Variants in PREX2 observed in about 807,000 individuals in gnomAD.
The protein encoded by PREX2 is phosphatidylinositol 3,4,5-trisphosphate-dependent Rac exchanger 2 protein.
PREX2 carries 107 observed loss-of-function variants against 203.2 expected under a neutral mutation model. The ratio of observed to expected loss-of-function variants is 0.53; its 90% CI spans 0.45 to 0.62. The LOEUF (loss-of-function observed/expected upper bound fraction) is 0.62. Ranked by LOEUF, PREX2 falls within the 20% of genes least tolerant of loss-of-function variation. The pLI is 0.00. For synonymous variants in PREX2, 672 were observed against 663.6 expected (o/e 1.01, Z -0.19); for missense variants, 1,777 against 1,955.9 (o/e 0.91, Z 1.72).
chr8:68,134,181 G>A lies in PREX2; in HGVS notation c.3889G>A (p.Glu1297Lys), dbSNP rs779491358. ...GATGTTTGACAACAGCAAGGAAAAT[G>A]AGATGGAAACTTGGGAAGCCAGCAG... ...NQMFDNSKEN[E>K]METWEASRRW... The change falls in exon 32 of 40, where the codon GAG becomes AAG. Residue 1297 changes from glutamate (E) to lysine (K), a missense_variant. By Grantham distance (56) the Glu-to-Lys change is moderately conservative. Transcript: ENST00000288368. 1.9e-6 allele frequency: 3 copies of A among 1,614,136 alleles called. No individual in the cohort carries two copies. The South Asian group carries it at 3.3e-5, about 18-fold the overall frequency.
At chr8:68,119,688 C>T (rs889163851) in intron 28 of PREX2, among the ~76,000 whole-genome samples, 174 bp downstream of exon 28, 1 of 152,208 alleles carries the variant, frequency 6.6e-6, no homozygotes, top group African/African-American at 2.4e-5. Flanking sequence ...CTTCAGCCAA[C>T]TAACCTAAAG....
At chr8:68,151,555 CCTGGGTAT>C (rs533045177) in intron 34 of PREX2, among the ~76,000 whole-genome samples, 100 of 152,236 alleles carry the variant, frequency 6.6e-4, no homozygotes, top group Non-Finnish European at 1.4e-3. Flanking sequence ...GGTTCCTGGA[CCTGGGTAT>C]TCTACCTCTC....
chr8:68,115,617 C>G (rs771690689), intron 25 of PREX2, 136 bp from the exon 26 acceptor site: 60 of 544,870 alleles, frequency 1.1e-4, no homozygotes, highest in Non-Finnish European at 1.8e-4. Context: ...GCTTTTTATG[C>G]AATAGAATAT....
intron 39 of PREX2, among the ~76,000 whole-genome samples, chr8:68,226,178 C>T (rs1813053433): frequency 6.6e-6 from 1 of 152,110 alleles, no homozygotes; most frequent in African/African-American, 2.4e-5. Flanking sequence ...TTTATTTATT[C>T]TTTCATTCAT....
chr8:68,175,190 C>T (rs189476217), intron 35 of PREX2, among the ~76,000 whole-genome samples: 24 of 152,142 alleles, frequency 1.6e-4, no homozygotes, highest in East Asian at 1.5e-3. Context: ...GTGGGCCAGG[C>T]GGAGAGCAGT....
chr8:68,127,317 A>G (rs1463984449), intron 30 of PREX2, 61 bp from the exon 31 acceptor site: 3 of 1,302,898 alleles, frequency 2.3e-6, no homozygotes, highest in African/African-American at 3.0e-5. Context: ...TACACAGTTA[A>G]AATATGGTAT....
chr8:68,164,593 T>TTC (rs955475197), intron 35 of PREX2, among the ~76,000 whole-genome samples: 12 of 150,084 alleles, frequency 8.0e-5, no homozygotes, highest in Non-Finnish European at 1.6e-4. Flanking sequence ...TTCTTTTTTT[T>TTC]TTTTTTGAGA....
intron 31 of PREX2, among the ~76,000 whole-genome samples, chr8:68,131,362 ACT>A (rs1182009087): frequency 6.6e-6 from 1 of 152,278 alleles, no homozygotes; most frequent in East Asian, 1.9e-4. Flanking sequence ...CAATTCATCT[ACT>A]CTCTGCTGAA....
At position 68,080,663 on chromosome 8, in the gene PREX2, G is replaced by T. The variant is rs185885837; in HGVS notation, c.1785+78G>T. 4 of 1,425,460 alleles carry T rather than the reference G, an allele frequency of 2.8e-6. No individual in the cohort carries two copies. In the East Asian group the frequency reaches 9.1e-5, roughly 32 times the overall value. 88.3% of individuals were successfully genotyped at this position (1,425,460 alleles called of 1,614,324 possible). On this transcript the variant is annotated intron_variant, in intron 16 of 39. Transcript: ENST00000288368. ...AAGACTGCGTTAAACATGTTTGACGGTGATGCACATTACTTCGTTCTGTTT... is the reference window on the plus strand; with the variant it reads ...AAGACTGCGTTAAACATGTTTGACGTTGATGCACATTACTTCGTTCTGTTT...
chr8:68,195,890 A>C (rs1812384861), intron 37 of PREX2, among the ~76,000 whole-genome samples: 1 of 152,234 alleles, frequency 6.6e-6, no homozygotes, highest in Non-Finnish European at 1.5e-5. Flanking sequence ...TGTGTTTGAT[A>C]TTAAAGGGAA....
intron 37 of PREX2, among the ~76,000 whole-genome samples, chr8:68,200,500 A>G (rs1180315500): frequency 1.3e-5 from 2 of 152,144 alleles, no homozygotes; most frequent in East Asian, 1.9e-4. Flanking sequence ...AAGAAATCAA[A>G]TATTGTAAAT....
At chr8:68,074,725 G>A (rs1322508045) in intron 14 of PREX2, among the ~76,000 whole-genome samples, 1 of 152,116 alleles carries the variant, frequency 6.6e-6, no homozygotes, top group African/African-American at 2.4e-5. Context: ...TTTCTTCCAA[G>A]ACTCTGAAAT....
At chr8:67,982,614 A>G (rs1230824620) in intron 1 of PREX2, among the ~76,000 whole-genome samples, 2 of 152,202 alleles carry the variant, frequency 1.3e-5, no homozygotes, top group African/African-American at 4.8e-5. Context: ...TCATTTGGGA[A>G]TTTGGTAGAG....
At chr8:68,021,937 G>A (rs1457005989) in intron 3 of PREX2, 99 bp from the exon 4 acceptor site, 18 of 661,554 alleles carry the variant, frequency 2.7e-5, no homozygotes, top group Middle Eastern at 3.9e-4. Flanking sequence ...CTCTTAAAAC[G>A]TAGTAAACAC....
intron 11 of PREX2, among the ~76,000 whole-genome samples, chr8:68,064,070 C>T (rs183073901): frequency 3.1e-4 from 47 of 152,206 alleles, no homozygotes; most frequent in African/African-American, 1.0e-3. Context: ...GGAACTCTAG[C>T]GTTGAGGAAC....
chr8:68,171,069 A>G (rs892431245), intron 35 of PREX2, among the ~76,000 whole-genome samples: 3 of 152,234 alleles, frequency 2.0e-5, no homozygotes, highest in Non-Finnish European at 4.4e-5. Flanking sequence ...AATCAAAAAG[A>G]GAAACAAGTT....
rs199864909 is a variant in PREX2 at position 68,134,312 on chromosome 8, A to T, written c.3984+36A>T. ...CACATGACTCCCACTGTCTGTGTCA[A>T]CTGTAACCTGCACTGTAACATGTTT... On this transcript the variant is annotated intron_variant, in intron 32 of 39. Coordinates refer to ENST00000288368, the MANE Select transcript of PREX2 (RefSeq NM_024870.4). 2.7e-5 allele frequency: 40 copies of T among 1,477,920 alleles called. No homozygotes were observed. The African/African-American group carries it at 5.1e-4, about 19-fold the overall frequency. The allele number at this position is 1,477,920 out of a possible 1,614,324, so 91.6% of individuals were successfully genotyped here. A position where few individuals can be genotyped will look rare whatever the true frequency, so the allele number is the denominator to read the frequency against.
rs181034570 is a variant in PREX2 at position 68,044,842 on chromosome 8, T to C, written c.943+252T>C. On this transcript the variant is annotated intron_variant, in intron 8 of 39. Transcript: ENST00000288368. ...GATACAGAGAAATAGCCGAGTAGTG[T>C]CCCATGGCATTCACGGGACTGAAAC... 4.4e-4 allele frequency among the ~76,000 whole-genome samples: 67 copies of C among 152,160 alleles called. No homozygotes were observed. In the East Asian group the frequency reaches 0.012, roughly 28 times the overall value.
intron 25 of PREX2, chr8:68,114,198 C>T (rs1345466488): frequency 1.5e-5 from 6 of 394,510 alleles, no homozygotes; most frequent in Non-Finnish European, 3.2e-5. Flanking sequence ...ATCCACAGCA[C>T]CAAGAACAGT....
Sources: gnomAD v4.1 joint callset for allele counts (sites outside exome capture counted in the v4.1 genomes callset) on GRCh38, gnomAD v4.1.1 for gene constraint, MANE v1.5 for transcripts, NCBI Gene and HGNC (gene_info 2026-07-23, HGNC 2026-07-21) for gene names.